The following LRRIQ1 variants were observed in gnomAD, a reference collection of about 807,000 sequenced individuals.
LRRIQ1 encodes leucine rich repeats and IQ motif containing 1.
In LRRIQ1, 210 loss-of-function variants were observed where a neutral mutation model predicts 211.9. The observed-to-expected ratio is 0.99, with a 90% confidence interval of 0.89 to 1.11. LRRIQ1 has a LOEUF of 1.11. Among genes scored for constraint, LRRIQ1 ranks in the 50% most tolerant of loss-of-function variants. The pLI is 0.00. For synonymous variants in LRRIQ1, 699 were observed against 650.1 expected (o/e 1.08, Z -1.14); for missense variants, 2,136 against 1,939.5 (o/e 1.10, Z -1.90).
At chr12:85,038,732 T>C (rs1878494637) in intron 2 of LRRIQ1, among the ~76,000 whole-genome samples, 1 of 151,636 alleles carries the variant, frequency 6.6e-6, no homozygotes. Context: ...TTTTCAGGAA[T>C]GTTATGAAAT....
At chr12:85,094,169 G>A (rs1047020153) in intron 11 of LRRIQ1, among the ~76,000 whole-genome samples, 2 of 152,194 alleles carry the variant, frequency 1.3e-5, no homozygotes, top group Non-Finnish European at 2.9e-5. Context: ...GCTTTCTGGA[G>A]AGATAGCAAC....
At position 85,145,202 on chromosome 12, in the gene LRRIQ1, A is replaced by G. The variant is rs572701987; in HGVS notation, c.4330-7078A>G. Reference sequence around the variant, plus strand: ...GGATAGGTAAATAGACAGAAAAAACATAGCTCTAAGTTTAGGGAATATCAG... The same window carrying G: ...GGATAGGTAAATAGACAGAAAAAACGTAGCTCTAAGTTTAGGGAATATCAG... On this transcript the variant is annotated intron_variant, in intron 19 of 26. Transcript: ENST00000393217. Among the ~76,000 whole-genome samples, 6 of 151,786 alleles carry G rather than the reference A, an allele frequency of 4.0e-5. No individual in the cohort carries two copies. In the East Asian group the frequency reaches 7.8e-4, roughly 20 times the overall value.
chr12:85,065,241 C>T (rs760670915), intron 8 of LRRIQ1, 21 bp from the exon 9 acceptor site: 30 of 1,592,200 alleles, frequency 1.9e-5, no homozygotes, highest in Non-Finnish European at 2.6e-5. Flanking sequence ...CTACACACTC[C>T]AATTTTCTTG....
chr12:85,224,529 A>G (rs1013211163), intron 24 of LRRIQ1, among the ~76,000 whole-genome samples: 3 of 152,148 alleles, frequency 2.0e-5, no homozygotes, highest in Non-Finnish European at 4.4e-5. Context: ...TGTGGCACAT[A>G]TACACCATGG....
chr12:85,140,807 GATA>G (rs1406369993), intron 19 of LRRIQ1, among the ~76,000 whole-genome samples: 2 of 151,112 alleles, frequency 1.3e-5, no homozygotes, highest in Middle Eastern at 3.2e-3. Context: ...TGCTGCTACT[GATA>G]ATGATGATGA....
chr12:85,216,195 C>T (rs1403154116), intron 24 of LRRIQ1, among the ~76,000 whole-genome samples: 2 of 152,122 alleles, frequency 1.3e-5, no homozygotes, highest in African/African-American at 4.8e-5. Context: ...TGACAGGCCC[C>T]GGTGTGTGAT....
intron 24 of LRRIQ1, among the ~76,000 whole-genome samples, chr12:85,182,066 C>G (rs976391752): frequency 1.3e-5 from 2 of 151,886 alleles, no homozygotes; most frequent in Non-Finnish European, 2.9e-5. Context: ...AAACTTAACT[C>G]AAATGTTTAT....
intron 25 of LRRIQ1, 148 bp downstream of exon 25, chr12:85,229,797 G>T (rs2137182001): frequency 1.5e-6 from 1 of 677,686 alleles, no homozygotes; most frequent in East Asian, 3.0e-5. Flanking sequence ...CTTTCATATA[G>T]AATAGATTTA....
intron 24 of LRRIQ1, among the ~76,000 whole-genome samples, chr12:85,220,142 G>C (rs1894329456): frequency 6.6e-6 from 1 of 152,040 alleles, no homozygotes; most frequent in African/African-American, 2.4e-5. Flanking sequence ...TATTTCCATT[G>C]CATGAAGAAG....
At position 85,055,628 on chromosome 12, in the gene LRRIQ1, T is replaced by G. The variant is rs1347232360; in HGVS notation, c.835T>G (p.Leu279Val). The change falls in exon 8 of 27, where the codon TTG (leucine) becomes GTG (valine). Residue 279 changes from leucine to valine, a missense_variant. By Grantham distance (32) the Leu-to-Val change is conservative (BLOSUM62 1). Transcript: ENST00000393217. ...CCAACAAGAAAAAGAAAAAAATTCT[T>G]TGTTAAAACAGCAGAATAATGCAGC... ...KDQQEKEKNSLLKQQNNAAVK... is the reference protein window; with the variant it reads ...KDQQEKEKNSVLKQQNNAAVK... 57 of 1,574,190 alleles carry G rather than the reference T, an allele frequency of 3.6e-5. No individual in the cohort carries two copies. Among genetic ancestry groups the G allele is most frequent in the Non-Finnish European group, 4.7e-5 (55 of 1,168,400 alleles).
chr12:85,200,945 G>A (rs1287992933), intron 24 of LRRIQ1, among the ~76,000 whole-genome samples: 2 of 151,626 alleles, frequency 1.3e-5, no homozygotes, highest in South Asian at 2.1e-4. Flanking sequence ...TCAGCCTCCC[G>A]AGTAGCTGGG....
At chr12:85,145,989 C>T (rs1434643627) in intron 19 of LRRIQ1, among the ~76,000 whole-genome samples, 1 of 151,700 alleles carries the variant, frequency 6.6e-6, no homozygotes, top group Non-Finnish European at 1.5e-5. Flanking sequence ...CCTGAATAAT[C>T]TGACAGGGGC....
At chr12:85,269,535 A>T in the LRRIQ1 span, among the ~76,000 whole-genome samples, 4 of 152,034 alleles carry the variant, frequency 2.6e-5, no homozygotes, top group Non-Finnish European at 2.9e-5. Context: ...GATTTTACAT[A>T]TGCTGATTCC....
At chr12:85,152,429 A>G (rs185389178) in intron 20 of LRRIQ1, 60 bp downstream of exon 20, 86 of 1,270,012 alleles carry the variant, frequency 6.8e-5, no homozygotes, top group Admixed American at 3.0e-4. Flanking sequence ...AGGTTATGCT[A>G]TGTTGCAGTG....
intron 24 of LRRIQ1, among the ~76,000 whole-genome samples, chr12:85,179,942 G>A (rs1402088504): frequency 6.6e-6 from 1 of 151,812 alleles, no homozygotes; most frequent in African/African-American, 2.4e-5. Context: ...TCAAAACATA[G>A]TAGCTGTATT....
At chr12:85,080,470 T>C (rs1399898328) in intron 11 of LRRIQ1, among the ~76,000 whole-genome samples, 2 of 151,558 alleles carry the variant, frequency 1.3e-5, no homozygotes, top group Non-Finnish European at 2.9e-5. Context: ...TGTCCTATAC[T>C]TTTCTTATAT....
intron 15 of LRRIQ1, among the ~76,000 whole-genome samples, chr12:85,110,536 C>T (rs566930482): frequency 2.6e-5 from 4 of 152,174 alleles, no homozygotes; most frequent in South Asian, 2.1e-4. Flanking sequence ...GCAAAATCTA[C>T]GCTTGTAACT....
intron 11 of LRRIQ1, among the ~76,000 whole-genome samples, chr12:85,096,644 G>A (rs930991720): frequency 6.6e-6 from 1 of 152,118 alleles, no homozygotes; most frequent in African/African-American, 2.4e-5. Flanking sequence ...TGGTTTATGG[G>A]TAGAGCATTC....
chr12:85,048,370 T>G (rs1879891158), intron 6 of LRRIQ1: 1 of 152,168 alleles, frequency 6.6e-6, no homozygotes, highest in African/African-American at 2.4e-5. Flanking sequence ...TCATCCTGGC[T>G]AACACGGTGA....
Sources: gnomAD v4.1 joint callset for allele counts (sites outside exome capture counted in the v4.1 genomes callset) on GRCh38, gnomAD v4.1.1 for gene constraint, MANE v1.5 for transcripts, NCBI Gene and HGNC (gene_info 2026-07-23, HGNC 2026-07-21) for gene names.